CIMIP7: variants seen among roughly 807,000 people sequenced by gnomAD.
The protein encoded by CIMIP7 is uncharacterized protein C3orf84.
the CIMIP7 span, among the ~76,000 whole-genome samples, chr3:49,183,019 T>C: frequency 1.3e-5 from 2 of 152,158 alleles, no homozygotes; most frequent in African/African-American, 4.8e-5. Flanking sequence ...CCCCGCGAGC[T>C]GAGGGAGCCG....
the CIMIP7 span, among the ~76,000 whole-genome samples, chr3:49,180,993 G>A: frequency 6.6e-6 from 1 of 150,418 alleles, no homozygotes. Flanking sequence ...CAGTCTGATG[G>A]TAGTCTTCAA....
At chr3:49,188,964 A>AT in the CIMIP7 span, among the ~76,000 whole-genome samples, 2,200 of 124,032 alleles carry the variant, frequency 0.018, 42 homozygotes, top group African/African-American at 0.05. Flanking sequence ...ATGCCCGGTT[A>AT]TTTTTTTTTT....
the CIMIP7 span, among the ~76,000 whole-genome samples, chr3:49,182,717 C>T: frequency 3.3e-5 from 5 of 152,154 alleles, no homozygotes; most frequent in African/African-American, 7.2e-5. Context: ...GAGCAGGGGG[C>T]GGCGCTTGTT....
the CIMIP7 span, among the ~76,000 whole-genome samples, chr3:49,182,107 A>G: frequency 9.2e-5 from 14 of 152,324 alleles, 1 homozygote; most frequent in East Asian, 2.1e-3. Flanking sequence ...TGAGTGTTAC[A>G]ACTCATAAAG....
the CIMIP7 span, chr3:49,178,531 G>A: frequency 5.0e-6 from 8 of 1,613,348 alleles, no homozygotes; most frequent in Non-Finnish European, 6.8e-6. Flanking sequence ...GTGTCGCTGC[G>A]CCGGCTCCTT....
At chr3:49,180,259 GA>G in the CIMIP7 span, among the ~76,000 whole-genome samples, 938 of 148,132 alleles carry the variant, frequency 6.3e-3, 9 homozygotes, top group African/African-American at 0.021. Flanking sequence ...CTGGGCAACA[GA>G]AAAAAAAAAA....
the CIMIP7 span, among the ~76,000 whole-genome samples, chr3:49,186,240 A>C: frequency 2.0e-5 from 3 of 149,476 alleles, no homozygotes; most frequent in East Asian, 2.0e-4. Flanking sequence ...CTCAGGTGAT[A>C]CACCCGCCTT....
At chr3:49,180,858 AG>A in the CIMIP7 span, among the ~76,000 whole-genome samples, 1 of 128,540 alleles carries the variant, frequency 7.8e-6, no homozygotes, top group South Asian at 2.5e-4. Flanking sequence ...TGAACCCGGG[AG>A]GTGGAGCTTG....
At chr3:49,190,028 A>G in the CIMIP7 span, 1 of 1,612,874 alleles carries the variant, frequency 6.2e-7, no homozygotes, top group South Asian at 1.1e-5. Context: ...CTTGTACCTG[A>G]CATCGCTGCA....
chr3:49,178,862 T>A, the CIMIP7 span, among the ~76,000 whole-genome samples: 2,079 of 152,260 alleles, frequency 0.014, 47 homozygotes, highest in Non-Finnish European at 0.016. Context: ...AACTCTTGAT[T>A]GCCCAGGACT....
chr3:49,179,197 A>G, the CIMIP7 span, among the ~76,000 whole-genome samples: 1 of 152,230 alleles, frequency 6.6e-6, no homozygotes, highest in South Asian at 2.1e-4. Context: ...ATATGCAAGT[A>G]TCCTGTTGAT....
At chr3:49,189,876 A>G in the CIMIP7 span, 4 of 765,466 alleles carry the variant, frequency 5.2e-6, no homozygotes, top group Non-Finnish European at 9.7e-6. Flanking sequence ...CTGTAGGGGA[A>G]AGATCTGACA....
At chr3:49,182,642 G>A in the CIMIP7 span, among the ~76,000 whole-genome samples, 1 of 152,224 alleles carries the variant, frequency 6.6e-6, no homozygotes, top group Non-Finnish European at 1.5e-5. Context: ...GGAGCTGCCT[G>A]CCAGTCCCGC....
At chr3:49,177,914 C>A in the CIMIP7 span, 1 of 1,613,908 alleles carries the variant, frequency 6.2e-7, no homozygotes, top group Non-Finnish European at 8.5e-7. Flanking sequence ...GGCCTGAAAT[C>A]AGCCTGGTAA....
At chr3:49,178,516 A>G in the CIMIP7 span, 1 of 1,613,614 alleles carries the variant, frequency 6.2e-7, no homozygotes, top group Non-Finnish European at 8.5e-7. Context: ...GTGCTTGGAG[A>G]AGAAGTGTCG....
At chr3:49,178,084 T>C in the CIMIP7 span, 1 of 1,536,528 alleles carries the variant, frequency 6.5e-7, no homozygotes, top group Non-Finnish European at 8.7e-7. Context: ...TGGCCCACAT[T>C]CCTGGCACCA....
the CIMIP7 span, chr3:49,191,701 A>G: frequency 6.3e-7 from 1 of 1,590,048 alleles, no homozygotes; most frequent in Non-Finnish European, 8.5e-7. Flanking sequence ...TTCAGGTACA[A>G]CCAGAGGGCC....
At chr3:49,189,391 G>A in the CIMIP7 span, among the ~76,000 whole-genome samples, 6 of 152,050 alleles carry the variant, frequency 3.9e-5, no homozygotes, top group African/African-American at 1.2e-4. Context: ...GATTACAGGC[G>A]TGAGCCACCT....
chr3:49,189,871 G>T, the CIMIP7 span: 1 of 762,914 alleles, frequency 1.3e-6, no homozygotes, highest in Non-Finnish European at 2.4e-6. Flanking sequence ...CCTGTCTGTA[G>T]GGGAAAGATC....
Sources: allele counts gnomAD v4.1 joint callset (sites outside exome capture counted in the v4.1 genomes callset), GRCh38; gene constraint gnomAD v4.1.1; transcripts MANE v1.5; gene names NCBI Gene and HGNC (gene_info 2026-07-23, HGNC 2026-07-21).